TUNAR: variants seen among roughly 807,000 people sequenced by gnomAD.
TUNAR encodes the protein transmembrane neural differentiation associated intracellular calcium regulator.
At chr14:95,884,818 C>T (rs114988956) in intron 2 of TUNAR, among the ~76,000 whole-genome samples, 3,334 of 152,262 alleles carry the variant, frequency 0.022, 68 homozygotes, top group Middle Eastern at 0.055. Flanking sequence ...GTTGTATCTC[C>T]GACTGCCGCT....
At chr14:95,896,747 A>C (rs1481450245) in intron 2 of TUNAR, among the ~76,000 whole-genome samples, 1 of 152,252 alleles carries the variant, frequency 6.6e-6, no homozygotes, top group Non-Finnish European at 1.5e-5. Context: ...TCCATTTGTA[A>C]AAAATAACAC....
chr14:95,887,444 A>G (rs535189485), intron 2 of TUNAR, among the ~76,000 whole-genome samples: 1 of 152,218 alleles, frequency 6.6e-6, no homozygotes, highest in Non-Finnish European at 1.5e-5. Context: ...TCCTAAATGC[A>G]TAAGAAGCTG....
chr14:95,907,710 G>A (rs1328616012), intron 2 of TUNAR, among the ~76,000 whole-genome samples: 3 of 152,224 alleles, frequency 2.0e-5, no homozygotes, highest in Non-Finnish European at 4.4e-5. Flanking sequence ...CAGCAGAGAA[G>A]AGACCCTGGA....
intron 2 of TUNAR, among the ~76,000 whole-genome samples, chr14:95,906,468 T>A (rs1182571387): frequency 6.6e-6 from 1 of 152,254 alleles, no homozygotes; most frequent in African/African-American, 2.4e-5. Context: ...CTAAAATATA[T>A]TTATTTAATT....
rs1402216634 is a variant in TUNAR at position 95,910,215 on chromosome 14, T to C, written c.13-12566T>C. Among the ~76,000 whole-genome samples, 4 of 152,208 alleles carry C rather than the reference T, an allele frequency of 2.6e-5. No individual in the cohort carries two copies. In the East Asian group the frequency reaches 5.8e-4, roughly 22 times the overall value. On this transcript the variant is annotated intron_variant, in intron 2 of 2. Transcript: ENST00000678517. ...CTTATTTTTGTCTGTGCTGTCGCTGTGTCTCTAGAATAGGGTCTTGGCTGG... is the reference window on the plus strand; with the variant it reads ...CTTATTTTTGTCTGTGCTGTCGCTGCGTCTCTAGAATAGGGTCTTGGCTGG...
intron 2 of TUNAR, among the ~76,000 whole-genome samples, chr14:95,902,590 C>T (rs139561622): frequency 1.3e-5 from 2 of 152,296 alleles, no homozygotes; most frequent in Non-Finnish European, 2.9e-5. Context: ...CTTACGGGAG[C>T]TGTTCTGTGC....
At position 95,898,217 on chromosome 14, in the gene TUNAR, T is replaced by C. The variant is rs370563016; in HGVS notation, c.12+21040T>C. Among the ~76,000 whole-genome samples, 9 of 152,372 alleles carry C rather than the reference T, an allele frequency of 5.9e-5. No homozygotes were observed. The East Asian group carries it at 1.7e-3, about 29-fold the overall frequency. On this transcript the variant is annotated intron_variant, in intron 2 of 2. Transcript: ENST00000678517. ...TTTGCCTTCAGAATTTTGAAGACTTTAGAGTTTTCCTTGTTGCTGATGAGA... is the reference window on the plus strand; with the variant it reads ...TTTGCCTTCAGAATTTTGAAGACTTCAGAGTTTTCCTTGTTGCTGATGAGA...
At chr14:95,900,270 G>A (rs1889330573) in intron 2 of TUNAR, among the ~76,000 whole-genome samples, 1 of 152,240 alleles carries the variant, frequency 6.6e-6, no homozygotes, top group Non-Finnish European at 1.5e-5. Flanking sequence ...GGTGCACTGT[G>A]AGGCGAAGGG....
chr14:95,916,730 AC>A (rs1439987320), intron 2 of TUNAR, among the ~76,000 whole-genome samples: 1 of 152,020 alleles, frequency 6.6e-6, no homozygotes, highest in Non-Finnish European at 1.5e-5. Flanking sequence ...ATCCACTGAT[AC>A]TCCTGCCATA....
intron 2 of TUNAR, among the ~76,000 whole-genome samples, chr14:95,909,424 C>T (rs1428634247): frequency 1.3e-5 from 2 of 151,886 alleles, no homozygotes; most frequent in East Asian, 2.0e-4. Context: ...GCTGGGACTT[C>T]GGGCACCCAC....
At chr14:95,888,793 C>A (rs563305372) in intron 2 of TUNAR, among the ~76,000 whole-genome samples, 185 of 150,976 alleles carry the variant, frequency 1.2e-3, no homozygotes, top group African/African-American at 4.2e-3. Context: ...AAGGCCAGCC[C>A]ATATTCGAGG....
intron 2 of TUNAR, among the ~76,000 whole-genome samples, chr14:95,882,230 G>A (rs1356320383): frequency 1.3e-5 from 2 of 152,020 alleles, no homozygotes; most frequent in Admixed American, 6.6e-5. Context: ...GAGAGAACAG[G>A]TGCCCCAGGG....
chr14:95,921,824 C>T (rs368536896), intron 2 of TUNAR, among the ~76,000 whole-genome samples: 2 of 152,352 alleles, frequency 1.3e-5, no homozygotes, highest in African/African-American at 4.8e-5. Context: ...CTTTATAAAT[C>T]AAATTGTACT....
exon 3 of TUNAR, chr14:95,923,820 A>G (rs935391252): frequency 1.3e-4 from 20 of 151,904 alleles, no homozygotes; most frequent in African/African-American, 4.4e-4. Context: ...TTGTCCATTG[A>G]GTGGCTTTTT....
chr14:95,886,094 G>A lies in TUNAR; in HGVS notation c.12+8917G>A, dbSNP rs546481782. Among the ~76,000 whole-genome samples the A allele has an allele frequency of 3.3e-5, 5 of 152,288 alleles. No homozygotes were observed. In the East Asian group the frequency reaches 7.7e-4, roughly 24 times the overall value. On this transcript the variant is annotated intron_variant, in intron 2 of 2. Coordinates refer to ENST00000678517, the Ensembl canonical transcript of TUNAR. ...GGGCAGTGTCCCAGCCTGATTCACCGAGCCATGGGTCTCCCTGTGCCTCTG... is the reference window on the plus strand; with the variant it reads ...GGGCAGTGTCCCAGCCTGATTCACCAAGCCATGGGTCTCCCTGTGCCTCTG...
intron 2 of TUNAR, among the ~76,000 whole-genome samples, chr14:95,903,192 C>T (rs929030034): frequency 3.3e-5 from 5 of 152,278 alleles, no homozygotes; most frequent in East Asian, 1.9e-4. Flanking sequence ...ATGTTTCTCC[C>T]GCTCGCTGAT....
intron 2 of TUNAR, among the ~76,000 whole-genome samples, chr14:95,898,287 C>A: frequency 6.6e-6 from 1 of 152,164 alleles, no homozygotes; most frequent in East Asian, 1.9e-4. Flanking sequence ...CTCTATTTGT[C>A]TTGTCCAGAA....
At chr14:95,902,707 T>C (rs1889375419) in intron 2 of TUNAR, among the ~76,000 whole-genome samples, 2 of 152,168 alleles carry the variant, frequency 1.3e-5, no homozygotes, top group Non-Finnish European at 2.9e-5. Flanking sequence ...AAGGACACTC[T>C]GGCCACATTG....
intron 2 of TUNAR, among the ~76,000 whole-genome samples, chr14:95,915,239 C>CCA (rs1163054875): frequency 6.6e-6 from 1 of 152,186 alleles, no homozygotes; most frequent in Non-Finnish European, 1.5e-5. Context: ...GAAATGGGTT[C>CCA]CAACTGCCTT....
Sources: allele counts gnomAD v4.1 joint callset (sites outside exome capture counted in the v4.1 genomes callset), GRCh38; gene constraint gnomAD v4.1.1; transcripts MANE v1.5; gene names NCBI Gene and HGNC (gene_info 2026-07-23, HGNC 2026-07-21).